RPA2: variants seen among roughly 807,000 people sequenced by gnomAD.
RPA2 encodes the protein replication protein A2, also known as replication protein A 32 kDa subunit.
In RPA2, 22 loss-of-function variants were observed where a neutral mutation model predicts 33.4. The ratio of observed to expected loss-of-function variants is 0.66; its 90% CI spans 0.47 to 0.94. The LOEUF is 0.94. Ranked by LOEUF, RPA2 falls within the 40% of genes least tolerant of loss-of-function variation. RPA2 has a pLI of 0.00. For synonymous variants in RPA2, 109 were observed against 114.9 expected (o/e 0.95, Z 0.33); for missense variants, 279 against 329.9 (o/e 0.85, Z 1.19).
In RPA2 at chr1:27,914,177, G is replaced by A. The variant is rs755502715; in HGVS notation, c.11-8C>T. The A allele has an allele frequency of 8.1e-6, 13 of 1,613,454 alleles. No homozygotes were observed. Among genetic ancestry groups the A allele is most frequent in the Non-Finnish European group, 1.1e-5 (13 of 1,179,902 alleles). On this transcript the variant is annotated splice_region_variant and splice_polypyrimidine_tract_variant and intron_variant, in intron 1 of 8. Transcript: ENST00000373912. The stretch of plus-strand genomic sequence containing the variant: ...CATAGCTTTCGAATCCACCTGTTTT[G>A]AACAACAGGATTAGTGCCTGTGCCA...
upstream of RPA2, chr1:27,914,717 T>G (rs540203171): frequency 1.9e-6 from 3 of 1,594,886 alleles, no homozygotes; most frequent in South Asian, 2.2e-5. Context: ...CGCGGCCATC[T>G]TTACGAAGGG....
Position 27,914,570 on chromosome 1 carries a change from G to A in RPA2, c.-127C>T, listed in dbSNP as rs1167839148. On this transcript the variant is annotated 5_prime_UTR_variant, in exon 1 of 9. Coordinates refer to ENST00000373912, the MANE Select transcript of RPA2 (RefSeq NM_002946.5). Reference sequence around the variant, plus strand: ...TCTCTGGCACCACAAACGCCTTCCCGCGAATGGCGGAGCCAGTCAGCTCCC... The same window carrying A: ...TCTCTGGCACCACAAACGCCTTCCCACGAATGGCGGAGCCAGTCAGCTCCC... The A allele has an allele frequency of 6.2e-7, 1 of 1,612,068 alleles. No homozygotes were observed. The highest frequency in any genetic ancestry group is 8.5e-7 in the Non-Finnish European group (1 of 1,179,416).
intron 2 of RPA2, among the ~76,000 whole-genome samples, chr1:27,907,867 A>C (rs1322173568): frequency 6.6e-6 from 1 of 152,078 alleles, no homozygotes; most frequent in Non-Finnish European, 1.5e-5. Context: ...TTTTTCTTTG[A>C]GACAGAGTTT....
intron 4 of RPA2, among the ~76,000 whole-genome samples, chr1:27,901,913 T>C (rs1303246350): frequency 1.3e-5 from 2 of 151,864 alleles, no homozygotes; most frequent in East Asian, 3.9e-4. Context: ...TTATAAGAGG[T>C]CACTATAATC....
rs562873901 is a variant in RPA2, at chr1:27,907,976, G to GTAGCTGGGAC, written c.118-704_118-695dup. 2.0e-4 allele frequency among the ~76,000 whole-genome samples: 31 copies of GTAGCTGGGAC among 152,224 alleles called. No homozygotes were observed. In the South Asian group the frequency reaches 6.4e-3, roughly 32 times the overall value. On this transcript the variant is annotated intron_variant, in intron 2 of 8. Coordinates refer to ENST00000373912, the MANE Select transcript of RPA2 (RefSeq NM_002946.5). ...CGATTCTCCTGGCTCAGCCTCCTGA[G>GTAGCTGGGAC]TAGCTGGGACTATATGTGCCAGCAT... is the stretch of plus-strand genomic sequence containing the variant.
At chr1:27,908,750 G>A (rs945428766) in intron 2 of RPA2, among the ~76,000 whole-genome samples, 5 of 152,092 alleles carry the variant, frequency 3.3e-5, no homozygotes, top group Non-Finnish European at 7.4e-5. Context: ...TGCCCACCTC[G>A]GCCTCTCAAA....
At chr1:27,911,211 C>CA (rs202156200) in intron 2 of RPA2, among the ~76,000 whole-genome samples, 2,362 of 146,516 alleles carry the variant, frequency 0.016, 58 homozygotes, top group African/African-American at 0.053. Context: ...GAGACTGTCT[C>CA]AAAAAAAAAA....
At chr1:27,912,710 T>G (rs1367980324) in intron 2 of RPA2, among the ~76,000 whole-genome samples, 1 of 152,224 alleles carries the variant, frequency 6.6e-6, no homozygotes, top group African/African-American at 2.4e-5. Context: ...GCCTTCAAGA[T>G]GCTTTCCTGA....
At chr1:27,900,674 C>G (rs1167223526) in intron 4 of RPA2, among the ~76,000 whole-genome samples, 1 of 151,222 alleles carries the variant, frequency 6.6e-6, no homozygotes, top group Admixed American at 6.6e-5. Flanking sequence ...GAGTTGCTTC[C>G]TTTTTTTTGA....
intron 5 of RPA2, among the ~76,000 whole-genome samples, 194 bp from the exon 6 acceptor site, chr1:27,897,315 T>TAATAATTA (rs397783443): frequency 6.6e-6 from 1 of 151,442 alleles, no homozygotes; most frequent in African/African-American, 2.4e-5. Flanking sequence ...TAAGGGACAT[T>TAATAATTA]AATAATTTTC....
intron 2 of RPA2, 38 bp downstream of exon 2, chr1:27,914,025 A>G: frequency 1.3e-6 from 2 of 1,524,166 alleles, no homozygotes; most frequent in Non-Finnish European, 1.8e-6. Flanking sequence ...GGACTTCAGG[A>G]CAGGATAAAA....
chr1:27,895,368 G>A (rs2089877057), intron 6 of RPA2, among the ~76,000 whole-genome samples: 1 of 152,110 alleles, frequency 6.6e-6, no homozygotes, highest in Non-Finnish European at 1.5e-5. Context: ...GCTGCAGTGA[G>A]CCGAGATCAC....
At chr1:27,903,421 A>T (rs1457873564) in intron 4 of RPA2, among the ~76,000 whole-genome samples, 1 of 151,978 alleles carries the variant, frequency 6.6e-6, no homozygotes, top group Non-Finnish European at 1.5e-5. Flanking sequence ...TACAGATAAC[A>T]TTAAAAAATC....
At chr1:27,892,300 A>G in intron 8 of RPA2, 53 bp from the exon 9 acceptor site, 2 of 1,487,440 alleles carry the variant, frequency 1.3e-6, no homozygotes, top group Non-Finnish European at 1.9e-6. Flanking sequence ...TTCAGAAGGA[A>G]ACTGCCTTTT....
At chr1:27,894,207 A>C (rs560623122) in intron 7 of RPA2, 83 bp downstream of exon 7, 1 of 1,506,944 alleles carries the variant, frequency 6.6e-7, no homozygotes, top group African/African-American at 1.4e-5. Context: ...CAGGTACTTA[A>C]ACAGTCGTAG....
intron 7 of RPA2, 75 bp from the exon 8 acceptor site, chr1:27,894,181 T>C: frequency 2.4e-5 from 37 of 1,515,250 alleles, no homozygotes; most frequent in Non-Finnish European, 3.4e-5. Flanking sequence ...AGTCCCTTTA[T>C]AGAAAAGAAA....
chr1:27,913,587 CAAAAAAA>C (rs111823126), intron 2 of RPA2, among the ~76,000 whole-genome samples: 6 of 80,154 alleles, frequency 7.5e-5, no homozygotes, highest in Non-Finnish European at 1.3e-4. Flanking sequence ...GGTTCCATCT[CAAAAAAA>C]AAAAAAAAAG....
intron 6 of RPA2, 78 bp downstream of exon 6, chr1:27,896,927 G>T: frequency 9.6e-7 from 1 of 1,039,902 alleles, no homozygotes; most frequent in Non-Finnish European, 1.4e-6. Context: ...AAAATATCAA[G>T]GAAATCAAAG....
At chr1:27,914,620 T>C (rs765517592), upstream of RPA2, 5 of 1,613,898 alleles carry the variant, frequency 3.1e-6, no homozygotes, top group Admixed American at 8.3e-5. Context: ...AGCCAATCGG[T>C]GCTCACGGAT....
Sources: allele counts gnomAD v4.1 joint callset (sites outside exome capture counted in the v4.1 genomes callset), GRCh38; gene constraint gnomAD v4.1.1; transcripts MANE v1.5; gene names NCBI Gene and HGNC (gene_info 2026-07-23, HGNC 2026-07-21).